SCUBE1: variants seen among roughly 807,000 people sequenced by gnomAD.
SCUBE1 encodes the protein signal peptide, CUB and EGF-like domain-containing protein 1.
In SCUBE1, 59 loss-of-function variants were observed where a neutral mutation model predicts 124.4. The observed-to-expected ratio is 0.47, with a 90% confidence interval of 0.38 to 0.59. SCUBE1 has a LOEUF of 0.59. Ranked by LOEUF, SCUBE1 falls within the 20% of genes least tolerant of loss-of-function variation. The pLI is 0.00. For synonymous variants in SCUBE1, 545 were observed against 550.9 expected (o/e 0.99, Z 0.15); for missense variants, 1,150 against 1,371.2 (o/e 0.84, Z 2.55).
At chr22:43,247,414 G>A (rs550389928) in intron 6 of SCUBE1, among the ~76,000 whole-genome samples, 25 of 152,322 alleles carry the variant, frequency 1.6e-4, no homozygotes, top group Middle Eastern at 3.4e-3. Context: ...AAGGATCACC[G>A]TGTGCTTGAC....
intron 4 of SCUBE1, among the ~76,000 whole-genome samples, chr22:43,276,423 T>A (rs757415733): frequency 6.6e-6 from 1 of 152,200 alleles, no homozygotes; most frequent in Non-Finnish European, 1.5e-5. Context: ...AAAACCCACC[T>A]GGCTGGCCTC....
chr22:43,283,483 C>T (rs1252645034), intron 4 of SCUBE1: 1 of 152,232 alleles, frequency 6.6e-6, no homozygotes, highest in Non-Finnish European at 1.5e-5. Flanking sequence ...GACCCAATGT[C>T]TTGCTTTGCC....
chr22:43,235,500 G>A (rs935948130), intron 7 of SCUBE1, among the ~76,000 whole-genome samples: 1 of 152,100 alleles, frequency 6.6e-6, no homozygotes, highest in African/African-American at 2.4e-5. Context: ...GCTCCCACTC[G>A]GGTAAAAGCC....
intron 4 of SCUBE1, among the ~76,000 whole-genome samples, chr22:43,285,778 G>A (rs753881302): frequency 2.1e-4 from 32 of 152,238 alleles, no homozygotes; most frequent in Admixed American, 1.6e-3. Flanking sequence ...CCGCAGGAAG[G>A]ATGGGTGGTT....
At chr22:43,222,971 C>T in intron 11 of SCUBE1, 126 bp downstream of exon 11, 1 of 1,308,474 alleles carries the variant, frequency 7.6e-7, no homozygotes, top group Non-Finnish European at 1.0e-6. Flanking sequence ...TAGGGTCACT[C>T]AGTTATCAGA....
Position 43,319,996 on chromosome 22 carries a change from T to C in SCUBE1, c.290A>G (p.Asn97Ser), listed in dbSNP as rs769638254. 6.2e-7 allele frequency: 1 copy of C among 1,614,016 alleles called. No homozygotes were observed. The highest frequency in any genetic ancestry group is 1.3e-5 in the African/African-American group (1 of 74,900). ...GCCATCAAAGCAGGTACACCTGTAG[T>C]TCCCCGGGATGTTGATGCACTCGTG... ...CVHECINIPGNYRCTCFDGFM... is the reference protein window; with the variant it reads ...CVHECINIPGSYRCTCFDGFM... Residue 97 changes from asparagine to serine, a missense_variant, in exon 3 of 22, where the codon AAC becomes AGC. By Grantham distance (46) the Asn-to-Ser change is conservative (BLOSUM62 1). Coordinates refer to ENST00000360835, the MANE Select transcript of SCUBE1 (RefSeq NM_173050.5).
In SCUBE1 at chr22:43,281,587, T is replaced by TCAGCCACCCTCCTGTCACCTCCCC. The variant is rs1569011199; in HGVS notation, c.484+9458_484+9459insGGGGAGGTGACAGGAGGGTGGCTG. Among the ~76,000 whole-genome samples, 4 of 64,870 alleles carry TCAGCCACCCTCCTGTCACCTCCCC rather than the reference T, an allele frequency of 6.2e-5. 1 individual carries two copies. Among genetic ancestry groups the TCAGCCACCCTCCTGTCACCTCCCC allele is most frequent in the African/African-American group, 3.6e-4 (4 of 11,256 alleles). The allele number at this position is 64,870 out of a possible 152,430, so 42.6% of individuals were successfully genotyped here. On this transcript the variant is annotated intron_variant, in intron 4 of 21. Transcript: ENST00000360835. ...TCAGCCACCCTCCTGTCACCTCCCT[T>TCAGCCACCCTCCTGTCACCTCCCC]CTCAGCCACCCTCCTGTCACCTCCT...
At chr22:43,213,771 CT>C in intron 16 of SCUBE1, 1 of 221,396 alleles carries the variant, frequency 4.5e-6, no homozygotes, top group Non-Finnish European at 8.6e-6. Flanking sequence ...ATGTACCTCC[CT>C]TAGAAACCGT....
chr22:43,237,031 T>A lies in SCUBE1; in HGVS notation c.844+1807A>T, dbSNP rs1044161614. Among the ~76,000 whole-genome samples, 20 of 146,822 alleles carry A rather than the reference T, an allele frequency of 1.4e-4. No individual in the cohort carries two copies. The Admixed American group carries it at 1.4e-3, about 10-fold the overall frequency. Reference sequence around the variant, plus strand: ...CAGGGCTGGGCGTCCATGGAGGAGGTCTGGCCAAAGGGCTGAGTGGGGCAG... The same window carrying A: ...CAGGGCTGGGCGTCCATGGAGGAGGACTGGCCAAAGGGCTGAGTGGGGCAG... On this transcript the variant is annotated intron_variant, in intron 7 of 21. Transcript: ENST00000360835.
At chr22:43,339,964 C>T (rs866032538) in intron 1 of SCUBE1, among the ~76,000 whole-genome samples, 8 of 40,268 alleles carry the variant, frequency 2.0e-4, no homozygotes, top group Admixed American at 3.6e-4. Flanking sequence ...CCTCATTCTA[C>T]CCCCCCCAAA....
At chr22:43,331,419 C>A (rs1337777241) in intron 2 of SCUBE1, among the ~76,000 whole-genome samples, 1 of 152,014 alleles carries the variant, frequency 6.6e-6, no homozygotes, top group Non-Finnish European at 1.5e-5. Flanking sequence ...TTGGAAAAGG[C>A]CCGAGTTGGA....
chr22:43,288,274 T>C (rs888588274), intron 4 of SCUBE1, among the ~76,000 whole-genome samples: 1 of 152,106 alleles, frequency 6.6e-6, no homozygotes, highest in Admixed American at 6.5e-5. Context: ...GAGTGAGCCA[T>C]GTGTGCCCAG....
chr22:43,262,857 G>A lies in SCUBE1; in HGVS notation c.485-12C>T. 1 of 1,606,062 alleles carries A rather than the reference G, an allele frequency of 6.2e-7. No individual in the cohort carries two copies. Among genetic ancestry groups the A allele is most frequent in the Non-Finnish European group, 8.5e-7 (1 of 1,173,290 alleles). ...GCAGTTCATACCCTCTGGGAAGAGA[G>A]ACAGACAAGAGACGGGTTGAAGACC... On this transcript the variant is annotated splice_polypyrimidine_tract_variant and intron_variant, in intron 4 of 21. Coordinates refer to ENST00000360835, the MANE Select transcript of SCUBE1 (RefSeq NM_173050.5).
At chr22:43,271,175 C>T (rs1187454300) in intron 4 of SCUBE1, among the ~76,000 whole-genome samples, 2 of 151,872 alleles carry the variant, frequency 1.3e-5, no homozygotes, top group Non-Finnish European at 1.5e-5. Flanking sequence ...CCACAAGTGC[C>T]TAGGTTGGAC....
At chr22:43,262,594 C>A in intron 5 of SCUBE1, 126 bp downstream of exon 5, 1 of 1,128,016 alleles carries the variant, frequency 8.9e-7, no homozygotes, top group Non-Finnish European at 1.3e-6. Flanking sequence ...CAGGCCCTGC[C>A]CTTCTCTCCA....
chr22:43,327,855 A>G (rs966179610), intron 2 of SCUBE1, among the ~76,000 whole-genome samples: 10 of 152,214 alleles, frequency 6.6e-5, no homozygotes, highest in African/African-American at 9.6e-5. Flanking sequence ...GGCAATGTGA[A>G]TATACTAAAG....
At chr22:43,327,936 A>C (rs970701601) in intron 2 of SCUBE1, among the ~76,000 whole-genome samples, 2 of 152,214 alleles carry the variant, frequency 1.3e-5, no homozygotes, top group African/African-American at 4.8e-5. Context: ...AGCTGTTTAA[A>C]AATAAAAGTC....
chr22:43,323,753 A>G (rs1212196255), intron 2 of SCUBE1, among the ~76,000 whole-genome samples: 1 of 152,132 alleles, frequency 6.6e-6, no homozygotes, highest in Non-Finnish European at 1.5e-5. Context: ...CTACCCATTC[A>G]TCCATCCAAA....
chr22:43,198,155 T>C lies in SCUBE1; in HGVS notation c.*5842A>G. On this transcript the variant is annotated 3_prime_UTR_variant, in exon 22 of 22. Transcript: ENST00000360835. ...CATGGGGCTGGGGGGATGGAATGTG[T>C]GGATATTAGAGGGTTGAGCCCAGAG... The C allele has an allele frequency of 4.5e-6, 1 of 222,512 alleles. No homozygotes were observed. The highest frequency in any genetic ancestry group is 6.7e-5 in the South Asian group (1 of 14,974). 13.8% of individuals were successfully genotyped at this position (222,512 alleles called of 1,614,324 possible).
Sources: allele counts gnomAD v4.1 joint callset (sites outside exome capture counted in the v4.1 genomes callset), GRCh38; gene constraint gnomAD v4.1.1; transcripts MANE v1.5; gene names NCBI Gene and HGNC (gene_info 2026-07-23, HGNC 2026-07-21).